The following SYNJ2 variants were observed in gnomAD, a reference collection of about 807,000 sequenced individuals.
SYNJ2 encodes the protein polyphosphatidylinositol phosphatase SYNJ2.
A neutral mutation model predicts 141.3 loss-of-function variants in SYNJ2; 116 were observed. The observed-to-expected ratio is 0.82, with a 90% CI of 0.71 to 0.96. The LOEUF (loss-of-function observed/expected upper bound fraction) is 0.96. SYNJ2 is among the 40% of genes least tolerant of loss of function. SYNJ2 has a pLI of 0.00. For missense variants in SYNJ2, 1,873 were observed against 1,934.8 expected, an observed-to-expected ratio of 0.97 and a Z score of 0.60; for synonymous variants, 745 against 777.7, an observed-to-expected ratio of 0.96 and a Z score of 0.70.
intron 3 of SYNJ2, chr6:158,030,363 G>T (rs544804854): frequency 1.3e-4 from 20 of 152,626 alleles, no homozygotes; most frequent in Admixed American, 1.3e-3. Context: ...GACGGGACTC[G>T]TGAGGTTTAT....
intron 16 of SYNJ2, among the ~76,000 whole-genome samples, chr6:158,075,638 T>C (rs1278631206): frequency 2.0e-5 from 3 of 148,202 alleles, no homozygotes; most frequent in South Asian, 2.1e-4. Flanking sequence ...AAACTCCGTC[T>C]CAAAAAAAAA....
intron 1 of SYNJ2, among the ~76,000 whole-genome samples, chr6:157,997,919 A>C (rs1431554807): frequency 1.3e-5 from 2 of 152,234 alleles, no homozygotes; most frequent in African/African-American, 4.8e-5. Flanking sequence ...GAGCAGTGTT[A>C]CTTTGTTTCT....
rs980799115 is a variant in SYNJ2 at position 158,062,112 on chromosome 6, C to G, written c.1075C>G (p.Leu359Val). Residue 359 changes from leucine to valine, a missense_variant, in exon 8 of 27, where the codon CTG becomes GTG. Coordinates refer to ENST00000355585, the MANE Select transcript of SYNJ2 (RefSeq NM_003898.4). Reference protein sequence around the residue: ...LETLLRPQLKLHWEDFDVFTK... With the variant: ...LETLLRPQLKVHWEDFDVFTK... ...GACCCTCTTGAGGCCACAGTTAAAG[C>G]TGCACTGGGAAGACTTCGATGTGTT... 1 of 1,614,142 alleles carries G rather than the reference C, an allele frequency of 6.2e-7. No homozygotes were observed. Among genetic ancestry groups the G allele is most frequent in the Non-Finnish European group, 8.5e-7 (1 of 1,180,028 alleles).
chr6:158,005,982 G>A (rs1376081620), intron 1 of SYNJ2, among the ~76,000 whole-genome samples: 3 of 152,088 alleles, frequency 2.0e-5, no homozygotes, highest in Non-Finnish European at 2.9e-5. Context: ...CATGGCTTTC[G>A]GAGCTCCCTG....
chr6:158,066,205 G>A (rs1485341412), intron 11 of SYNJ2, among the ~76,000 whole-genome samples: 1 of 152,176 alleles, frequency 6.6e-6, no homozygotes, highest in Non-Finnish European at 1.5e-5. Context: ...GGGGGTAGGG[G>A]TATAGACGGT....
Position 158,071,497 on chromosome 6 carries a change from T to TCAG in SYNJ2, c.1941-104_1941-102dup. The TCAG allele has an allele frequency of 7.5e-7, 1 of 1,339,280 alleles. No individual in the cohort carries two copies. Among genetic ancestry groups the TCAG allele is most frequent in the South Asian group, 1.4e-5 (1 of 72,064 alleles). The allele number at this position is 1,339,280 out of a possible 1,614,324, so 83.0% of individuals were successfully genotyped here. ...TGTTGAGCTGATGATTTTGGAGCAC[T>TCAG]CAGAGCAGCAGGTCCCGAGCTGCTG... On this transcript the variant is annotated intron_variant, in intron 14 of 26. Transcript: ENST00000355585. The surrounding 1 kb of genome is among the most constrained non-coding windows in gnomAD (Gnocchi z 4.3).
At chr6:158,094,073 T>G in intron 26 of SYNJ2, 1 of 747,570 alleles carries the variant, frequency 1.3e-6, no homozygotes, top group East Asian at 2.5e-5. Context: ...ACGATGCTGC[T>G]TCCCCCCTAG....
chr6:158,008,746 G>A (rs111795337), intron 1 of SYNJ2, among the ~76,000 whole-genome samples: 16 of 152,236 alleles, frequency 1.1e-4, no homozygotes, highest in African/African-American at 2.9e-4. Context: ...CCATTGCTGC[G>A]CCCTGGCTCA....
At chr6:158,057,064 G>A (rs568569886) in intron 6 of SYNJ2, among the ~76,000 whole-genome samples, 2 of 151,966 alleles carry the variant, frequency 1.3e-5, no homozygotes, top group African/African-American at 2.4e-5. Flanking sequence ...CTCCTTCCCC[G>A]CCCCGCTCTG....
chr6:158,074,559 A>T, intron 15 of SYNJ2, 21 bp from the exon 16 acceptor site: 4 of 1,606,634 alleles, frequency 2.5e-6, no homozygotes, highest in Non-Finnish European at 3.4e-6. Flanking sequence ...CTGAATGATT[A>T]TGATTTTCTT....
chr6:158,068,812 G>A, intron 13 of SYNJ2, 84 bp downstream of exon 13: 1 of 1,463,666 alleles, frequency 6.8e-7, no homozygotes, highest in South Asian at 1.2e-5. Context: ...GGCTCTCCGG[G>A]AGCCAGCCTG....
chr6:158,064,863 G>A lies in SYNJ2; in HGVS notation c.1397G>A (p.Arg466Gln), dbSNP rs753556219. The change falls in exon 11 of 27, where the codon CGA (arginine) becomes CAA (glutamine). Residue 466 changes from arginine (R) to glutamine (Q), a missense_variant. Physicochemically the swap from Arg to Gln is conservative, Grantham distance 43. Coordinates refer to ENST00000355585, the MANE Select transcript of SYNJ2 (RefSeq NM_003898.4). ...AAGGATGGAGCCCGGTCCATGTCTC[G>A]AACCATCCAGTCCAACTTCTTCGAC... ...KLKDGARSMS[R>Q]TIQSNFFDGV... 9 of 1,612,492 alleles carry A rather than the reference G, an allele frequency of 5.6e-6. No homozygotes were observed. Among genetic ancestry groups the A allele is most frequent in the South Asian group, 1.1e-5 (1 of 90,934 alleles).
At chr6:158,035,861 A>G (rs1424235533) in intron 4 of SYNJ2, among the ~76,000 whole-genome samples, 2 of 152,158 alleles carry the variant, frequency 1.3e-5, no homozygotes, top group Non-Finnish European at 2.9e-5. Context: ...GAAACTATCA[A>G]CAGAGTGAAC....
At chr6:157,997,915 T>C (rs937788751) in intron 1 of SYNJ2, among the ~76,000 whole-genome samples, 1 of 152,162 alleles carries the variant, frequency 6.6e-6, no homozygotes, top group Non-Finnish European at 1.5e-5. Context: ...GTGTGAGCAG[T>C]GTTACTTTGT....
intron 1 of SYNJ2, among the ~76,000 whole-genome samples, chr6:158,014,485 C>T (rs1778375575): frequency 6.6e-6 from 1 of 152,230 alleles, no homozygotes; most frequent in Non-Finnish European, 1.5e-5. Context: ...TCAGTATCTG[C>T]TGGTAACTCT....
chr6:158,033,581 C>T lies in SYNJ2; in HGVS notation c.612C>T (p.Cys204=). Reference sequence around the variant, plus strand: ...CCTCCCACAAGCAGGCCAAGGCCTGCCTCGTCTCTCGCGTTAGCTGTGAGC... The same window carrying T: ...CCTCCCACAAGCAGGCCAAGGCCTGTCTCGTCTCTCGCGTTAGCTGTGAGC... The part of the protein sequence containing the change: ...VYASHKQAKA[C]LVSRVSCERT... The change falls in exon 4 of 27, where the codon TGC becomes TGT. Residue 204 remains cysteine, a synonymous_variant. Transcript: ENST00000355585. 2 of 1,614,072 alleles carry T rather than the reference C, an allele frequency of 1.2e-6. No individual in the cohort carries two copies. Among genetic ancestry groups the T allele is most frequent in the South Asian group, 2.2e-5 (2 of 91,090 alleles).
Position 158,076,743 on chromosome 6 carries a change from G to C in SYNJ2, c.2410G>C (p.Val804Leu). 6.2e-7 allele frequency: 1 copy of C among 1,614,088 alleles called. No individual in the cohort carries two copies. Among genetic ancestry groups the C allele is most frequent in the Non-Finnish European group, 8.5e-7 (1 of 1,179,980 alleles). The stretch of plus-strand genomic sequence containing the variant: ...CCGCACCCCCGCCTGGACAGACAGG[G>C]TGCTGTGGTGGAGGAAGAAACATCC... Reference protein sequence around the residue: ...KCRTPAWTDRVLWWRKKHPFD... With the variant: ...KCRTPAWTDRLLWWRKKHPFD... The change falls in exon 17 of 27, where the codon GTG becomes CTG. Residue 804 changes from valine (V) to leucine (L), a missense_variant. Transcript: ENST00000355585.
intron 1 of SYNJ2, among the ~76,000 whole-genome samples, chr6:158,013,753 C>T (rs952409386): frequency 1.4e-4 from 21 of 152,206 alleles, no homozygotes; most frequent in Admixed American, 3.3e-4. Context: ...GTTTCAGCCT[C>T]TTGGTGTAAA....
intron 8 of SYNJ2, 116 bp from the exon 9 acceptor site, chr6:158,063,675 A>AC (rs1781369216): frequency 1.6e-6 from 1 of 627,080 alleles, no homozygotes; most frequent in South Asian, 2.0e-5. Context: ...AAAAAAAAAA[A>AC]AAAAAAAAAA....
Sources: gnomAD v4.1 joint callset for allele counts (sites outside exome capture counted in the v4.1 genomes callset) on GRCh38, gnomAD v4.1.1 for gene constraint, Gnocchi (gnomAD v3.1) non-coding constraint, MANE v1.5 for transcripts, NCBI Gene and HGNC (gene_info 2026-07-23, HGNC 2026-07-21) for gene names.